The following VPS13B variants were observed in gnomAD, a reference collection of about 807,000 sequenced individuals.
The protein encoded by VPS13B is vacuolar protein sorting 13 homolog B, also known as intermembrane lipid transfer protein VPS13B.
In VPS13B, 285 loss-of-function variants were observed where a neutral mutation model predicts 426.4. The ratio of observed to expected loss-of-function variants is 0.67; its 90% CI spans 0.61 to 0.74. The LOEUF is 0.74. VPS13B is among the 30% of genes least tolerant of loss of function. The pLI is 0.00. For synonymous variants in VPS13B, 1,676 were observed against 1,676.4 expected, an observed-to-expected ratio of 1.00 and a Z score of 0.01; for missense variants, 4,537 against 4,782.6, an observed-to-expected ratio of 0.95 and a Z score of 1.51.
intron 35 of VPS13B, among the ~76,000 whole-genome samples, chr8:99,682,130 A>G (rs1831179056): frequency 6.6e-6 from 1 of 152,236 alleles, no homozygotes; most frequent in Non-Finnish European, 1.5e-5. Flanking sequence ...GGGACAAACT[A>G]TGAGAGACAG....
At chr8:99,624,026 T>C in intron 33 of VPS13B, among the ~76,000 whole-genome samples, 1 of 141,932 alleles carries the variant, frequency 7.0e-6, no homozygotes, top group Non-Finnish European at 1.5e-5. Context: ...TTTTTTTTTT[T>C]TTTTTTCTGT....
intron 36 of VPS13B, among the ~76,000 whole-genome samples, chr8:99,715,181 G>A (rs959295395): frequency 3.3e-5 from 5 of 151,570 alleles, no homozygotes; most frequent in Admixed American, 6.6e-5. Flanking sequence ...GGTAAAAAAC[G>A]AAACCAAAGA....
intron 39 of VPS13B, among the ~76,000 whole-genome samples, chr8:99,734,944 T>C (rs1405934427): frequency 6.6e-6 from 1 of 152,038 alleles, no homozygotes; most frequent in Non-Finnish European, 1.5e-5. Context: ...AGAAGAAAAA[T>C]GGAGCAGCCA....
intron 43 of VPS13B, among the ~76,000 whole-genome samples, chr8:99,803,385 C>T (rs1186621530): frequency 2.6e-5 from 4 of 152,170 alleles, no homozygotes; most frequent in African/African-American, 7.2e-5. Context: ...ACTTATATCA[C>T]GACAATGCAG....
At chr8:99,125,928 CTT>C (rs554149414) in intron 8 of VPS13B, among the ~76,000 whole-genome samples, 7 of 144,532 alleles carry the variant, frequency 4.8e-5, no homozygotes, top group East Asian at 4.0e-4. Context: ...GAGCTAAAGA[CTT>C]TTTTTTTTTT....
At chr8:99,791,789 G>T (rs1198778009) in intron 43 of VPS13B, among the ~76,000 whole-genome samples, 1 of 151,398 alleles carries the variant, frequency 6.6e-6, no homozygotes, top group East Asian at 1.9e-4. Context: ...TTTTGGAGGG[G>T]AGTCAAAATT....
In VPS13B at chr8:99,028,402, C is replaced by T. The variant is rs1381416201; in HGVS notation, c.148-10021C>T. 6.7e-4 allele frequency among the ~76,000 whole-genome samples: 99 copies of T among 147,224 alleles called. 1 individual carries two copies. Among genetic ancestry groups the T allele is most frequent in the African/African-American group, 2.4e-3 (97 of 39,806 alleles). On this transcript the variant is annotated intron_variant, in intron 2 of 61. Coordinates refer to ENST00000357162, the MANE Select transcript of VPS13B (RefSeq NM_152564.5). ...GGCCGGGCGGGGGGCTGACCCCCCCCACCTCCCTCCCGGACGGGGCGGCTG... is the reference window on the plus strand; with the variant it reads ...GGCCGGGCGGGGGGCTGACCCCCCCTACCTCCCTCCCGGACGGGGCGGCTG...
At chr8:99,204,618 A>T (rs1814570172) in intron 17 of VPS13B, among the ~76,000 whole-genome samples, 1 of 152,210 alleles carries the variant, frequency 6.6e-6, no homozygotes, top group Non-Finnish European at 1.5e-5. Flanking sequence ...TATTTGACAA[A>T]GGTCTAATAT....
At position 99,084,470 on chromosome 8, in the gene VPS13B, T is replaced by C. The variant is rs1295907668; in HGVS notation, c.292-11842T>C. Reference sequence around the variant, plus strand: ...CTGTTTCCTTCAGTTCTGCTCTGATTTTAGTTATTTCTTGCCTTCTGCTAG... The same window carrying C: ...CTGTTTCCTTCAGTTCTGCTCTGATCTTAGTTATTTCTTGCCTTCTGCTAG... On this transcript the variant is annotated intron_variant, in intron 3 of 61. Coordinates refer to ENST00000357162, the MANE Select transcript of VPS13B (RefSeq NM_152564.5). 9.2e-5 allele frequency among the ~76,000 whole-genome samples: 14 copies of C among 152,260 alleles called. No homozygotes were observed. The East Asian group carries it at 1.2e-3, about 13-fold the overall frequency.
chr8:99,372,171 A>T (rs1019231935), intron 19 of VPS13B, among the ~76,000 whole-genome samples: 4 of 151,412 alleles, frequency 2.6e-5, no homozygotes, highest in Admixed American at 2.0e-4. Context: ...GAATGGCGTG[A>T]ACCCCAGGGG....
At chr8:99,354,838 C>T (rs1164768826) in intron 19 of VPS13B, among the ~76,000 whole-genome samples, 1 of 152,054 alleles carries the variant, frequency 6.6e-6, no homozygotes, top group Non-Finnish European at 1.5e-5. Flanking sequence ...ATTATAGGAG[C>T]CACATGCAAG....
At chr8:99,804,583 A>G (rs1813295568) in intron 43 of VPS13B, among the ~76,000 whole-genome samples, 1 of 152,194 alleles carries the variant, frequency 6.6e-6, no homozygotes, top group Admixed American at 6.5e-5. Flanking sequence ...CTGACATTTT[A>G]AGATATTTAC....
intron 8 of VPS13B, among the ~76,000 whole-genome samples, chr8:99,128,712 T>G (rs1809582980): frequency 6.6e-6 from 1 of 152,156 alleles, no homozygotes; most frequent in Non-Finnish European, 1.5e-5. Flanking sequence ...CCAGGCAACT[T>G]GTTACATTGT....
intron 58 of VPS13B, among the ~76,000 whole-genome samples, chr8:99,863,607 C>T (rs1340773342): frequency 6.6e-6 from 1 of 152,062 alleles, no homozygotes; most frequent in Non-Finnish European, 1.5e-5. Context: ...GCCAATGCTC[C>T]GTTTTCAGTG....
intron 3 of VPS13B, among the ~76,000 whole-genome samples, chr8:99,055,248 A>G (rs1249477005): frequency 6.6e-6 from 1 of 152,084 alleles, no homozygotes; most frequent in Non-Finnish European, 1.5e-5. Flanking sequence ...CATGTCGCCT[A>G]GGCTGATCTC....
At chr8:99,475,277 A>G (rs949999814) in intron 24 of VPS13B, among the ~76,000 whole-genome samples, 16 of 152,184 alleles carry the variant, frequency 1.1e-4, no homozygotes, top group African/African-American at 3.6e-4. Flanking sequence ...TGGAAGATAC[A>G]GAACTGTTGT....
At chr8:99,632,552 C>G (rs1234309590) in intron 33 of VPS13B, among the ~76,000 whole-genome samples, 2 of 151,760 alleles carry the variant, frequency 1.3e-5, no homozygotes, top group African/African-American at 4.8e-5. Context: ...TTTGAATTTC[C>G]AAGGATTGAA....
chr8:99,418,660 TGCCTCA>T (rs893787966), intron 21 of VPS13B, among the ~76,000 whole-genome samples: 6 of 152,078 alleles, frequency 3.9e-5, no homozygotes, highest in Admixed American at 1.3e-4. Flanking sequence ...GTGGTTCTCC[TGCCTCA>T]GCCTCCAGAG....
At chr8:99,661,910 T>C (rs1375220659) in intron 35 of VPS13B, among the ~76,000 whole-genome samples, 1 of 152,116 alleles carries the variant, frequency 6.6e-6, no homozygotes, top group African/African-American at 2.4e-5. Context: ...CATAGATAGA[T>C]TAGATTTGAT....
Sources: gnomAD v4.1 joint callset for allele counts (sites outside exome capture counted in the v4.1 genomes callset) on GRCh38, gnomAD v4.1.1 for gene constraint, MANE v1.5 for transcripts, NCBI Gene and HGNC (gene_info 2026-07-23, HGNC 2026-07-21) for gene names.